GSTM5: variants seen among roughly 807,000 people sequenced by gnomAD.
GSTM5 encodes glutathione S-transferase mu 5.
Under a neutral mutation model 29.0 loss-of-function variants are expected in GSTM5, and 24 were observed. The ratio of observed to expected loss-of-function variants is 0.83; its 90% CI spans 0.60 to 1.16. The LOEUF (loss-of-function observed/expected upper bound fraction) is 1.16, where lower values mean the gene tolerates loss of function less well. Ranked by LOEUF, GSTM5 falls within the 50% of genes most tolerant of loss-of-function variation. The pLI is 0.00. For synonymous variants in GSTM5, 91 were observed against 93.6 expected (o/e 0.97, Z 0.16); for missense variants, 290 against 263.0 (o/e 1.10, Z -0.71).
intron 7 of GSTM5, chr1:109,715,921 T>C: frequency 1.3e-6 from 1 of 780,302 alleles, no homozygotes; most frequent in Non-Finnish European, 2.0e-6. Flanking sequence ...TTCCCTCCAA[T>C]GTTCCACGTC....
intron 7 of GSTM5, chr1:109,715,515 G>A: frequency 6.9e-7 from 1 of 1,454,894 alleles, no homozygotes; most frequent in Non-Finnish European, 9.0e-7. Flanking sequence ...GCCAGTGGAG[G>A]CTGTGCTGGG....
At chr1:109,715,312 C>T in intron 7 of GSTM5, 72 bp downstream of exon 7, 1 of 1,614,034 alleles carries the variant, frequency 6.2e-7, no homozygotes, top group South Asian at 1.1e-5. Context: ...TTTCCCAGTC[C>T]TGGAGCTACA....
intron 6 of GSTM5, 36 bp from the exon 7 acceptor site, chr1:109,715,094 G>A (rs762006092): frequency 6.2e-6 from 10 of 1,613,924 alleles, no homozygotes; most frequent in African/African-American, 2.7e-5. Flanking sequence ...CATGTGTTTC[G>A]GGGTTTTCAG....
Position 109,715,028 on chromosome 1 carries a change from T to G in GSTM5, c.442T>G (p.Phe148Val). 6.2e-7 allele frequency: 1 copy of G among 1,614,234 alleles called. No homozygotes were observed. The highest frequency in any genetic ancestry group is 2.2e-5 in the East Asian group (1 of 44,886). Residue 148 changes from phenylalanine to valine, a missense_variant, in exon 6 of 8, where the codon TTT becomes GTT. Coordinates refer to ENST00000256593, the MANE Select transcript of GSTM5 (RefSeq NM_000851.4). ...YSEFLGKRPW[F>V]AGDKITFVDF... ...AGAGTTTCTGGGGAAGCGGCCATGG[T>G]TTGCAGGAGACAAGGTAAAGGAGGA...
At chr1:109,715,706 T>C (rs2101321775) in intron 7 of GSTM5, 1 of 460,684 alleles carries the variant, frequency 2.2e-6, no homozygotes, top group East Asian at 4.6e-5. Flanking sequence ...GTGGCATTGA[T>C]GTTGAGTACT....
Position 109,717,584 on chromosome 1 carries a change from T to A in GSTM5, c.*158T>A, listed in dbSNP as rs1557973485. 5.0e-6 allele frequency: 3 copies of A among 594,310 alleles called. No individual in the cohort carries two copies. Among genetic ancestry groups the A allele is most frequent in the Non-Finnish European group, 9.2e-6 (3 of 327,240 alleles). The allele number at this position is 594,310 out of a possible 1,614,324, so 36.8% of individuals were successfully genotyped here. A position where few individuals can be genotyped will look rare whatever the true frequency, so the allele number is the denominator to read the frequency against. ...ATTGGCTTCCTTTCTTCTAACATCATCCCTCCCCGCATCGAGGCTCTTTAA... is the reference window on the plus strand; with the variant it reads ...ATTGGCTTCCTTTCTTCTAACATCAACCCTCCCCGCATCGAGGCTCTTTAA... On this transcript the variant is annotated 3_prime_UTR_variant, in exon 8 of 8. Coordinates refer to ENST00000256593, the MANE Select transcript of GSTM5 (RefSeq NM_000851.4).
chr1:109,717,431 C>T lies in GSTM5; in HGVS notation c.*5C>T. 6.2e-7 allele frequency: 1 copy of T among 1,608,000 alleles called. No individual in the cohort carries two copies. The highest frequency in any genetic ancestry group is 8.5e-7 in the Non-Finnish European group (1 of 1,174,518). On this transcript the variant is annotated 3_prime_UTR_variant, in exon 8 of 8. Transcript: ENST00000256593. ...GCTACATGGAACAGCAAATAGGGCC[C>T]AGTGATGCCAGAAGATGGGAGGGAG...
chr1:109,712,581 T>A, intron 1 of GSTM5, 37 bp from the exon 2 acceptor site: 1 of 1,607,726 alleles, frequency 6.2e-7, no homozygotes, highest in South Asian at 1.1e-5. Context: ...TCAGGGACCC[T>A]CCATCTCTGA....
chr1:109,715,928 C>A, intron 7 of GSTM5: 4 of 804,032 alleles, frequency 5.0e-6, no homozygotes, highest in Non-Finnish European at 7.8e-6. Context: ...CAATGTTCCA[C>A]GTCTTCCCCC....
upstream of GSTM5, chr1:109,712,247 G>C (rs1648542571): frequency 1.3e-6 from 2 of 1,560,496 alleles, no homozygotes; most frequent in Non-Finnish European, 8.8e-7. Flanking sequence ...GTCCCCTCCT[G>C]GGCCTCTCAA....
At chr1:109,712,567 C>A in intron 1 of GSTM5, 51 bp from the exon 2 acceptor site, 1 of 1,599,220 alleles carries the variant, frequency 6.3e-7, no homozygotes, top group Non-Finnish European at 8.6e-7. Context: ...AGAAAGTCAC[C>A]AAGTCAGGGA....
Position 109,717,370 on chromosome 1 carries a change from A to T in GSTM5, c.601A>T (p.Ser201Cys), listed in dbSNP as rs1404084717. The change falls in exon 8 of 8, where the codon AGC (serine) becomes TGC (cysteine). Residue 201 changes from serine to cysteine, a missense_variant. Physicochemically the swap from Ser to Cys is moderately radical, Grantham distance 112 (BLOSUM62 -1). Coordinates refer to ENST00000256593, the MANE Select transcript of GSTM5 (RefSeq NM_000851.4). ...LKKISAYMKSSQFLRGLLFGK... is the reference protein window; with the variant it reads ...LKKISAYMKSCQFLRGLLFGK... ...GAAGATCTCTGCCTACATGAAGTCC[A>T]GCCAATTCCTCCGAGGTCTTTTGTT... The T allele has an allele frequency of 6.2e-7, 1 of 1,614,072 alleles. No individual in the cohort carries two copies. Among genetic ancestry groups the T allele is most frequent in the Non-Finnish European group, 8.5e-7 (1 of 1,179,952 alleles).
At chr1:109,712,166 G>C, upstream of GSTM5, 6 of 869,804 alleles carry the variant, frequency 6.9e-6, no homozygotes, top group Non-Finnish European at 1.2e-5. Context: ...GCGCTCGCTC[G>C]GGGGCCTACA....
At chr1:109,714,864 CT>C in intron 5 of GSTM5, 82 bp from the exon 6 acceptor site, 1 of 1,357,772 alleles carries the variant, frequency 7.4e-7, no homozygotes, top group Non-Finnish European at 1.1e-6. Flanking sequence ...TGTGGCCAGC[CT>C]GGGCCATCTA....
chr1:109,714,958 G>A lies in GSTM5; in HGVS notation c.372G>A (p.Lys124=). 1 of 1,614,258 alleles carries A rather than the reference G, an allele frequency of 6.2e-7. No individual in the cohort carries two copies. The highest frequency in any genetic ancestry group is 8.5e-7 in the Non-Finnish European group (1 of 1,180,038). ...LCYDPDFEKL[K]PKYLEELPEK... is the part of the protein sequence containing the mutation. Reference sequence around the variant, plus strand: ...GTTTTCTGCCTCAGGAGAAACTGAAGCCAAAATACTTGGAGGAACTCCCTG... The same window carrying A: ...GTTTTCTGCCTCAGGAGAAACTGAAACCAAAATACTTGGAGGAACTCCCTG... Residue 124 remains lysine, a synonymous_variant, in exon 6 of 8, where the codon AAG becomes AAA. Coordinates refer to ENST00000256593, the MANE Select transcript of GSTM5 (RefSeq NM_000851.4).
chr1:109,712,601 C>CT lies in GSTM5; in HGVS notation c.37-17_37-16insT, dbSNP rs1245053891. The CT allele has an allele frequency of 1.9e-6, 3 of 1,613,624 alleles. No individual in the cohort carries two copies. The highest frequency in any genetic ancestry group is 2.5e-6 in the Non-Finnish European group (3 of 1,179,678). On this transcript the variant is annotated splice_polypyrimidine_tract_variant and intron_variant, in intron 1 of 7. Coordinates refer to ENST00000256593, the MANE Select transcript of GSTM5 (RefSeq NM_000851.4). ...GACCCTCCATCTCTGACCCGAGCCG[C>CT]GGGCCATCTCTCCCAGCTGGCCCAC...
rs1648799999 is a variant in GSTM5, at chr1:109,717,681, C to T, written c.*255C>T. ...CTTCCTTTCCCTGCACTAACGCCAA[C>T]CTGACTGCTTTTCCTGTCAGTGCTT... On this transcript the variant is annotated 3_prime_UTR_variant, in exon 8 of 8. Coordinates refer to ENST00000256593, the MANE Select transcript of GSTM5 (RefSeq NM_000851.4). 1 of 435,226 alleles carries T rather than the reference C, an allele frequency of 2.3e-6. No individual in the cohort carries two copies. Among genetic ancestry groups the T allele is most frequent in the Non-Finnish European group, 4.3e-6 (1 of 234,396 alleles). The allele number at this position is 435,226 out of a possible 1,614,324, so 27.0% of individuals were successfully genotyped here.
At chr1:109,713,904 C>G (rs372231434) in intron 5 of GSTM5, 143 bp downstream of exon 5, 3 of 487,244 alleles carry the variant, frequency 6.2e-6, no homozygotes, top group Non-Finnish European at 7.9e-6. Context: ...AATGTCCACA[C>G]GAATCTTCTC....
intron 7 of GSTM5, 173 bp downstream of exon 7, chr1:109,715,413 A>C: frequency 3.2e-6 from 5 of 1,553,788 alleles, no homozygotes; most frequent in Non-Finnish European, 4.4e-6. Flanking sequence ...TGAAATTTCC[A>C]ACATTCCTAC....
Sources: allele counts gnomAD v4.1 joint callset, GRCh38; gene constraint gnomAD v4.1.1; transcripts MANE v1.5; gene names NCBI Gene and HGNC (gene_info 2026-07-23, HGNC 2026-07-21).